Variants in ARHGAP39 observed in about 807,000 individuals in gnomAD.
ARHGAP39 encodes the protein rho GTPase-activating protein 39.
ARHGAP39 carries 44 observed loss-of-function variants against 106.9 expected under a neutral mutation model. The observed-to-expected ratio is 0.41, with a 90% CI of 0.32 to 0.53. The LOEUF (loss-of-function observed/expected upper bound fraction) is 0.53, where lower values mean the gene tolerates loss of function less well. Ranked by LOEUF, ARHGAP39 falls within the 20% of genes least tolerant of loss-of-function variation. The pLI is 0.21. For missense variants in ARHGAP39, 1,496 were observed against 1,577.3 expected (o/e 0.95, Z 0.87); for synonymous variants, 768 against 693.2 (o/e 1.11, Z -1.69).
intron 2 of ARHGAP39, among the ~76,000 whole-genome samples, chr8:144,602,267 C>CTG (rs1193544609): frequency 1.0e-5 from 1 of 96,756 alleles, no homozygotes; most frequent in Non-Finnish European, 2.0e-5. Context: ...GCTCATGTAC[C>CTG]TGTGTGTGTG....
chr8:144,530,779 C>CG lies in ARHGAP39; in HGVS notation c.3072dup (p.Glu1025ArgfsTer147). On this transcript the variant is annotated frameshift_variant, in exon 11 of 12. Transcript: ENST00000377307. LOFTEE classifies it high-confidence loss of function. ...GCGTGCACCACGGCCACCGCCGCCT[C>CG]GGGGCTGTCGTAGTGCGCGATGCAC... The CG allele has an allele frequency of 6.2e-7, 1 of 1,611,540 alleles. No individual in the cohort carries two copies. The highest frequency in any genetic ancestry group is 8.5e-7 in the Non-Finnish European group (1 of 1,179,470).
At position 144,605,654 on chromosome 8, in the gene ARHGAP39, C is replaced by A; in HGVS notation, c.-40G>T. The A allele has an allele frequency of 1.3e-6, 2 of 1,596,766 alleles. No homozygotes were observed. The highest frequency in any genetic ancestry group is 1.7e-6 in the Non-Finnish European group (2 of 1,168,360). Reference sequence around the variant, plus strand: ...GCGCCCACGTGGACAGACGTCAGGGCACCATACGCACAACGCCAGCATCAG... The same window carrying A: ...GCGCCCACGTGGACAGACGTCAGGGAACCATACGCACAACGCCAGCATCAG... On this transcript the variant is annotated 5_prime_UTR_variant, in exon 2 of 12. Transcript: ENST00000377307.
Position 144,550,553 on chromosome 8 carries a change from G to C in ARHGAP39, c.597-2064C>G, listed in dbSNP as rs369814134. 3.9e-5 allele frequency among the ~76,000 whole-genome samples: 6 copies of C among 152,376 alleles called. No homozygotes were observed. The East Asian group carries it at 9.6e-4, about 24-fold the overall frequency. On this transcript the variant is annotated intron_variant, in intron 4 of 11. Transcript: ENST00000377307. ...ACATTCCCCATTGCCTGGGGGGTTG[G>C]TGAGGCAAGGCCAGGAAGACATGGC...
chr8:144,657,535 T>C (rs2129671190), intron 1 of ARHGAP39, among the ~76,000 whole-genome samples: 1 of 152,266 alleles, frequency 6.6e-6, no homozygotes, highest in South Asian at 2.1e-4. Context: ...GACAAAGGCA[T>C]TACAAAGAAA....
At chr8:144,557,098 G>A (rs1363913322) in intron 3 of ARHGAP39, among the ~76,000 whole-genome samples, 3 of 146,226 alleles carry the variant, frequency 2.1e-5, no homozygotes, top group Admixed American at 1.3e-4. Flanking sequence ...GGCAAAGGCT[G>A]AACCTTCATA....
At chr8:144,554,787 A>C (rs1817852970) in intron 4 of ARHGAP39, among the ~76,000 whole-genome samples, 2 of 152,244 alleles carry the variant, frequency 1.3e-5, no homozygotes, top group Non-Finnish European at 2.9e-5. Flanking sequence ...ATTCCCTGCC[A>C]CAACCCTAAT....
chr8:144,642,168 C>T (rs1821328484), intron 1 of ARHGAP39, among the ~76,000 whole-genome samples: 1 of 152,156 alleles, frequency 6.6e-6, no homozygotes, highest in Non-Finnish European at 1.5e-5. Context: ...GACCTCGTCT[C>T]TATTAAAAAT....
intron 3 of ARHGAP39, among the ~76,000 whole-genome samples, chr8:144,556,283 T>TAAAAAA (rs773901158): frequency 2.3e-5 from 2 of 87,302 alleles, no homozygotes; most frequent in Non-Finnish European, 2.2e-5. Context: ...AGACTCCATC[T>TAAAAAA]AAAAAAAAAA....
chr8:144,537,616 T>TCC, intron 7 of ARHGAP39, 105 bp downstream of exon 7: 7 of 570,168 alleles, frequency 1.2e-5, no homozygotes, highest in Non-Finnish European at 1.6e-5. Context: ...AGTGGCCCCA[T>TCC]CCCCCCCGCC....
chr8:144,676,080 G>A (rs1300407755), intron 1 of ARHGAP39, among the ~76,000 whole-genome samples: 1 of 152,198 alleles, frequency 6.6e-6, no homozygotes, highest in Non-Finnish European at 1.5e-5. Context: ...CCCAAAGAGT[G>A]AGCACCAGCA....
At position 144,585,212 on chromosome 8, in the gene ARHGAP39, C is replaced by G. The variant is rs536759114; in HGVS notation, c.81-3935G>C. 3.3e-5 allele frequency among the ~76,000 whole-genome samples: 5 copies of G among 152,198 alleles called. No homozygotes were observed. Among genetic ancestry groups the G allele is most frequent in the African/African-American group, 1.2e-4 (5 of 41,450 alleles). On this transcript the variant is annotated intron_variant, in intron 2 of 11. Transcript: ENST00000377307. The surrounding 1 kb of genome is among the most constrained non-coding windows in gnomAD (Gnocchi z 4.6). ...ACTGGGACCCCCCAGAAGCCTCTGC[C>G]GGTCCCAGCTCCAGATGCAATGGCA...
At chr8:144,692,748 C>CTTTT in the ARHGAP39 span, among the ~76,000 whole-genome samples, 86 of 68,976 alleles carry the variant, frequency 1.2e-3, no homozygotes, top group South Asian at 2.3e-3. Context: ...TTGTAAAATT[C>CTTTT]TTTTTTTTTT....
intron 3 of ARHGAP39, among the ~76,000 whole-genome samples, chr8:144,556,376 G>A (rs1817920369): frequency 6.6e-6 from 1 of 152,018 alleles, no homozygotes. Flanking sequence ...TGAAATGAAT[G>A]GCTGAGTAGG....
Position 144,579,127 on chromosome 8 carries a change from G to A in ARHGAP39, c.512+1719C>T, listed in dbSNP as rs191289470. Among the ~76,000 whole-genome samples, 8 of 149,918 alleles carry A rather than the reference G, an allele frequency of 5.3e-5. No individual in the cohort carries two copies. The East Asian group carries it at 1.2e-3, about 22-fold the overall frequency. On this transcript the variant is annotated intron_variant, in intron 3 of 11. Coordinates refer to ENST00000377307, the MANE Select transcript of ARHGAP39 (RefSeq NM_025251.3). ...TGAGGCAGGAGAGTGGTGTGAACCC[G>A]GGAGGCGGAACTTGCAGTGAGCAGC...
intron 3 of ARHGAP39, among the ~76,000 whole-genome samples, chr8:144,557,424 A>T (rs1817976988): frequency 1.2e-5 from 1 of 83,498 alleles, no homozygotes; most frequent in South Asian, 4.1e-4. Context: ...ATTCAGCGGC[A>T]AAAGGCTGAA....
chr8:144,602,932 T>TGA (rs1186533778), intron 2 of ARHGAP39, among the ~76,000 whole-genome samples: 22 of 124,332 alleles, frequency 1.8e-4, no homozygotes, highest in African/African-American at 7.0e-4. Context: ...GGCGTGTGTG[T>TGA]GCTCGTGTAC....
intron 1 of ARHGAP39, among the ~76,000 whole-genome samples, chr8:144,654,344 A>C (rs1325890844): frequency 6.6e-6 from 1 of 151,952 alleles, no homozygotes; most frequent in Non-Finnish European, 1.5e-5. Context: ...ATCTCTGCAA[A>C]ACATACAAAA....
chr8:144,619,163 G>A (rs893936280), intron 1 of ARHGAP39, among the ~76,000 whole-genome samples: 1 of 152,222 alleles, frequency 6.6e-6, no homozygotes, highest in Admixed American at 6.5e-5. Context: ...ACAGGCGCTT[G>A]CTTCCAACGT....
At chr8:144,622,770 A>G (rs1025561926) in intron 1 of ARHGAP39, among the ~76,000 whole-genome samples, 2 of 152,274 alleles carry the variant, frequency 1.3e-5, no homozygotes, top group Non-Finnish European at 2.9e-5. Flanking sequence ...CCTAAGTAAA[A>G]GCAGGAACCT....
Sources: gnomAD v4.1 joint callset for allele counts (sites outside exome capture counted in the v4.1 genomes callset) on GRCh38, gnomAD v4.1.1 for gene constraint, Gnocchi (gnomAD v3.1) non-coding constraint, MANE v1.5 for transcripts, NCBI Gene and HGNC (gene_info 2026-07-23, HGNC 2026-07-21) for gene names.